Variants in MAML3 observed in about 807,000 individuals in gnomAD.
The protein encoded by MAML3 is mastermind-like protein 3.
In MAML3, 27 loss-of-function variants were observed where a neutral mutation model predicts 101.9. The observed-to-expected ratio is 0.27, with a 90% CI of 0.20 to 0.37. The LOEUF (loss-of-function observed/expected upper bound fraction) is 0.37. Among genes scored for constraint, MAML3 ranks in the 10% least tolerant of loss-of-function variants. The pLI, the probability that MAML3 is intolerant of heterozygous loss-of-function variation, is 1.00. For synonymous variants in MAML3, 501 were observed against 555.9 expected (o/e 0.90, Z 1.39); for missense variants, 1,316 against 1,444.9 (o/e 0.91, Z 1.45).
In MAML3 at chr4:139,912,883, C is replaced by CA. The variant is rs564077576; in HGVS notation, c.469-21917dup. Among the ~76,000 whole-genome samples the CA allele has an allele frequency of 3.7e-3, 567 of 152,306 alleles. 9 individuals carry two copies. The highest frequency in any genetic ancestry group is 0.013 in the African/African-American group (542 of 41,568). ...GAGCATCCAGGACTGTGAGACAATC[C>CA]ATTTCTAGTGTATTAAGCCACCTAG... On this transcript the variant is annotated intron_variant, in intron 1 of 4. Transcript: ENST00000509479.
At chr4:139,986,026 A>G (rs973873153) in intron 1 of MAML3, among the ~76,000 whole-genome samples, 1 of 152,220 alleles carries the variant, frequency 6.6e-6, no homozygotes, top group Non-Finnish European at 1.5e-5. Flanking sequence ...TCTTTTGCAG[A>G]TATCTAGCCC....
chr4:140,092,973 A>G (rs1286465139), intron 1 of MAML3, among the ~76,000 whole-genome samples: 1 of 152,230 alleles, frequency 6.6e-6, no homozygotes, highest in Non-Finnish European at 1.5e-5. Flanking sequence ...AGACAAGTAG[A>G]GGAAGTGGCA....
At chr4:139,727,453 G>C (rs1398734336) in intron 3 of MAML3, among the ~76,000 whole-genome samples, 1 of 152,162 alleles carries the variant, frequency 6.6e-6, no homozygotes, top group East Asian at 1.9e-4. Context: ...GGCAGCCTGT[G>C]GGGGACTGAG....
chr4:140,039,324 C>T (rs539150923), intron 1 of MAML3, among the ~76,000 whole-genome samples: 48 of 152,210 alleles, frequency 3.2e-4, no homozygotes, highest in Admixed American at 8.5e-4. Context: ...TGCTGGACTG[C>T]TCCCTGGTAC....
chr4:139,995,772 AT>A (rs201567456), intron 1 of MAML3, among the ~76,000 whole-genome samples: 7 of 147,664 alleles, frequency 4.7e-5, no homozygotes, highest in African/African-American at 1.0e-4. Context: ...GATTTTCTCT[AT>A]TTTTTTTCTT....
intron 2 of MAML3, among the ~76,000 whole-genome samples, chr4:139,826,738 C>G (rs1731066788): frequency 6.6e-6 from 1 of 152,124 alleles, no homozygotes; most frequent in African/African-American, 2.4e-5. Flanking sequence ...AGACACAAAC[C>G]CATGCTCTTT....
chr4:139,942,198 G>A (rs1223623812), intron 1 of MAML3, among the ~76,000 whole-genome samples: 1 of 151,714 alleles, frequency 6.6e-6, no homozygotes, highest in Non-Finnish European at 1.5e-5. Flanking sequence ...AGGCAGGCAG[G>A]CAGGCAGGCA....
At chr4:139,892,338 G>A (rs1429092613) in intron 1 of MAML3, among the ~76,000 whole-genome samples, 3 of 152,064 alleles carry the variant, frequency 2.0e-5, no homozygotes, top group Non-Finnish European at 4.4e-5. Context: ...TCAGATACTT[G>A]AGCATTTTTC....
chr4:139,890,419 T>C lies in MAML3; in HGVS notation c.1017A>G (p.Pro339=). 3 of 1,606,608 alleles carry C rather than the reference T, an allele frequency of 1.9e-6. No individual in the cohort carries two copies. The highest frequency in any genetic ancestry group is 2.6e-6 in the Non-Finnish European group (3 of 1,174,522). ...TCTCAGTTGCTGGCTGCGAGAATTCTGGCTCCTTCTTCTCTTCAAAGTCTT... is the reference window on the plus strand; with the variant it reads ...TCTCAGTTGCTGGCTGCGAGAATTCCGGCTCCTTCTTCTCTTCAAAGTCTT... ...FNEDFEEKKE[P]EFSQPATETP... Residue 339 remains proline (P), a synonymous_variant, in exon 2 of 5, where the codon CCA becomes CCG. Transcript: ENST00000509479. This position sits in a 1 kb window ranked among gnomAD's most constrained non-coding sequence, Gnocchi z 4.1.
rs529762189 is a variant in MAML3, at chr4:139,751,088, T to C, written c.2080-20421A>G. On this transcript the variant is annotated intron_variant, in intron 2 of 4. Coordinates refer to ENST00000509479, the MANE Select transcript of MAML3 (RefSeq NM_018717.5). ...CTAACTCTGGATCTGGCCTGCAGAG[T>C]AGGCAAAGAAAGATGGGGTGAGTAG... Among the ~76,000 whole-genome samples the C allele has an allele frequency of 1.1e-4, 16 of 152,332 alleles. 1 individual carries two copies. The East Asian group carries it at 1.7e-3, about 17-fold the overall frequency.
chr4:140,126,525 T>C (rs1483725095), intron 1 of MAML3, among the ~76,000 whole-genome samples: 1 of 152,206 alleles, frequency 6.6e-6, no homozygotes, highest in Non-Finnish European at 1.5e-5. Context: ...TCCTTTTTCA[T>C]CTCCTTTGAA....
chr4:140,075,853 C>T (rs749622440), intron 1 of MAML3, among the ~76,000 whole-genome samples: 27 of 151,318 alleles, frequency 1.8e-4, no homozygotes, highest in Non-Finnish European at 3.1e-4. Context: ...CTCTGCTTCC[C>T]GGATTCAAGC....
chr4:139,821,038 T>C (rs1218938485), intron 2 of MAML3, among the ~76,000 whole-genome samples: 2 of 152,240 alleles, frequency 1.3e-5, no homozygotes, highest in African/African-American at 4.8e-5. Flanking sequence ...AAATTTGCTA[T>C]GAGAAAAACC....
intron 1 of MAML3, among the ~76,000 whole-genome samples, chr4:140,115,417 T>C (rs1341700514): frequency 6.6e-6 from 1 of 152,216 alleles, no homozygotes; most frequent in East Asian, 1.9e-4. Context: ...AAATGAAATA[T>C]GCAAAGCCAC....
At chr4:139,972,083 G>T (rs921620910) in intron 1 of MAML3, among the ~76,000 whole-genome samples, 1 of 151,838 alleles carries the variant, frequency 6.6e-6, no homozygotes, top group African/African-American at 2.4e-5. Flanking sequence ...TTAAGTTCAG[G>T]GGTACCTATG....
intron 2 of MAML3, among the ~76,000 whole-genome samples, chr4:139,774,367 T>C (rs768084514): frequency 7.9e-5 from 12 of 152,260 alleles, no homozygotes; most frequent in Non-Finnish European, 1.5e-4. Flanking sequence ...TTTACTGCTT[T>C]ATCTGAAGTG....
chr4:140,149,941 T>TTC (rs1356688120), intron 1 of MAML3, among the ~76,000 whole-genome samples: 140 of 137,878 alleles, frequency 1.0e-3, no homozygotes, highest in Middle Eastern at 3.7e-3. Flanking sequence ...GTTTCTTTCT[T>TTC]TTTTTTTTTT....
intron 1 of MAML3, among the ~76,000 whole-genome samples, chr4:139,928,831 C>G (rs940700485): frequency 6.6e-6 from 1 of 151,930 alleles, no homozygotes; most frequent in African/African-American, 2.4e-5. Context: ...TCAGGAGTGA[C>G]ACAGTGGAAC....
At chr4:139,992,158 T>A (rs183024764) in intron 1 of MAML3, among the ~76,000 whole-genome samples, 1 of 152,326 alleles carries the variant, frequency 6.6e-6, no homozygotes, top group Admixed American at 6.5e-5. Context: ...TTGGGGGGTA[T>A]CCATCTTGTA....
Sources: allele counts gnomAD v4.1 joint callset (sites outside exome capture counted in the v4.1 genomes callset), GRCh38; gene constraint gnomAD v4.1.1; non-coding constraint Gnocchi (gnomAD v3.1); transcripts MANE v1.5; gene names NCBI Gene and HGNC (gene_info 2026-07-23, HGNC 2026-07-21).